The following DOCK11 variants were observed in gnomAD, a reference collection of about 807,000 sequenced individuals.
DOCK11 encodes the protein dedicator of cytokinesis 11.
Under a neutral mutation model 169.1 loss-of-function variants are expected in DOCK11, and 70 were observed. The observed-to-expected ratio is 0.41, with a 90% CI of 0.34 to 0.51. The LOEUF (loss-of-function observed/expected upper bound fraction) is 0.51, where lower values mean the gene tolerates loss of function less well. DOCK11 is among the 20% of genes least tolerant of loss of function. The pLI is 0.10. For synonymous variants in DOCK11, 529 were observed against 541.3 expected, an observed-to-expected ratio of 0.98 and a Z score of 0.32; for missense variants, 1,166 against 1,538.8, an observed-to-expected ratio of 0.76 and a Z score of 4.05.
intron 28 of DOCK11, among the ~76,000 whole-genome samples, chrX:118,611,072 TTAG>T (rs1186010087): frequency 9.0e-6 from 1 of 111,522 alleles, no homozygotes; most frequent in Non-Finnish European, 1.9e-5. Flanking sequence ...AGAAGCTACC[TTAG>T]TAGTCAAATT....
intron 10 of DOCK11, among the ~76,000 whole-genome samples, chrX:118,571,555 G>A (rs971413538): frequency 1.8e-5 from 2 of 110,252 alleles, no homozygotes; most frequent in African/African-American, 6.6e-5. Flanking sequence ...TCACTGTCTT[G>A]CCTAGGCTGG....
chrX:118,547,807 C>T (rs991730402), intron 6 of DOCK11, among the ~76,000 whole-genome samples: 1 of 112,265 alleles, frequency 8.9e-6, no homozygotes, highest in Admixed American at 9.4e-5. Flanking sequence ...CAGAAATGTA[C>T]GTGAAGGTTA....
intron 6 of DOCK11, among the ~76,000 whole-genome samples, chrX:118,556,556 C>G (rs2012700614): frequency 9.5e-6 from 1 of 105,528 alleles, no homozygotes; most frequent in African/African-American, 3.5e-5. Flanking sequence ...CAAGACCAGC[C>G]TGGCCAACAT....
chrX:118,583,825 T>A (rs752774228), intron 14 of DOCK11, among the ~76,000 whole-genome samples: 16 of 112,034 alleles, frequency 1.4e-4, no homozygotes, highest in Admixed American at 2.8e-4. Flanking sequence ...AGATTACTTA[T>A]AATACCTAAT....
chrX:118,676,970 G>A (rs1318342540), intron 48 of DOCK11, among the ~76,000 whole-genome samples: 2 of 111,289 alleles, frequency 1.8e-5, no homozygotes, highest in Non-Finnish European at 3.8e-5. Context: ...GTGCTTCATC[G>A]TTCTTAGTAA....
Position 118,685,889 on chromosome X carries a change from T to C in DOCK11, c.*82T>C, listed in dbSNP as rs2016848040. On this transcript the variant is annotated 3_prime_UTR_variant, in exon 53 of 53. Transcript: ENST00000276202. ...GTGCAAATGTTAAAATTTAAAGATT[T>C]GATATACATGGAGTGTTTCTTCTCG... 1 of 1,119,217 alleles carries C rather than the reference T, an allele frequency of 8.9e-7. No individual in the cohort carries two copies. The highest frequency in any genetic ancestry group is 1.2e-6 in the Non-Finnish European group (1 of 837,150). 92.2% of individuals were successfully genotyped at this position (1,119,217 alleles called of 1,213,427 possible).
intron 1 of DOCK11, among the ~76,000 whole-genome samples, chrX:118,523,405 A>C (rs2011304572): frequency 8.9e-6 from 1 of 112,449 alleles, no homozygotes; most frequent in Non-Finnish European, 1.9e-5. Context: ...CAGGCAGTTC[A>C]TGGGGTTTTA....
intron 18 of DOCK11, among the ~76,000 whole-genome samples, chrX:118,589,584 A>T (rs2013922186): frequency 8.9e-6 from 1 of 111,932 alleles, no homozygotes; most frequent in Admixed American, 9.5e-5. Flanking sequence ...ACTAGAAATG[A>T]AATTGGATCT....
chrX:118,643,801 A>T (rs1357172372), intron 40 of DOCK11, among the ~76,000 whole-genome samples: 1 of 111,674 alleles, frequency 9.0e-6, no homozygotes, highest in Non-Finnish European at 1.9e-5. Flanking sequence ...TTTTTATTTC[A>T]CCCCATCATA....
chrX:118,549,293 C>T (rs934827497), intron 6 of DOCK11, among the ~76,000 whole-genome samples: 8 of 108,902 alleles, frequency 7.3e-5, no homozygotes, highest in East Asian at 2.9e-4. Flanking sequence ...TACAGGTGCA[C>T]GCCACCATGC....
chrX:118,667,490 C>T (rs1271618112), intron 45 of DOCK11, among the ~76,000 whole-genome samples: 1 of 107,127 alleles, frequency 9.3e-6, no homozygotes, highest in African/African-American at 3.4e-5. Context: ...GTTGAATTTA[C>T]TTTGGCACCT....
chrX:118,647,235 A>G (rs2015700735), intron 40 of DOCK11, among the ~76,000 whole-genome samples: 1 of 104,443 alleles, frequency 9.6e-6, no homozygotes. Flanking sequence ...CTTGCTGAGT[A>G]GATTTTAGCT....
intron 38 of DOCK11, 115 bp downstream of exon 38, chrX:118,639,692 A>T: frequency 2.6e-6 from 2 of 773,105 alleles, no homozygotes; most frequent in Non-Finnish European, 3.6e-6. Flanking sequence ...CATTATATGC[A>T]TGTAACAAAA....
chrX:118,619,826 T>C (rs1021269989), intron 31 of DOCK11, among the ~76,000 whole-genome samples: 2 of 108,062 alleles, frequency 1.9e-5, no homozygotes, highest in African/African-American at 6.7e-5. Context: ...TTCTTTCTTT[T>C]TTTTTTTTTG....
At chrX:118,564,604 A>C (rs925068221) in intron 7 of DOCK11, among the ~76,000 whole-genome samples, 2 of 111,865 alleles carry the variant, frequency 1.8e-5, no homozygotes, top group Admixed American at 9.5e-5. Context: ...CTATGGTTGC[A>C]TGGTCTTATT....
chrX:118,671,166 T>C, intron 46 of DOCK11, 21 bp downstream of exon 46: 1 of 1,190,754 alleles, frequency 8.4e-7, no homozygotes, highest in Non-Finnish European at 1.1e-6. Flanking sequence ...TGAACATTTT[T>C]ATCATTGACT....
intron 1 of DOCK11, among the ~76,000 whole-genome samples, chrX:118,535,329 T>C (rs193239839): frequency 4.8e-4 from 54 of 111,998 alleles, no homozygotes; most frequent in Admixed American, 1.1e-3. Flanking sequence ...TTTCCTCATC[T>C]GTAAAATGGG....
At chrX:118,660,749 C>T (rs1310879772) in intron 44 of DOCK11, among the ~76,000 whole-genome samples, 2 of 110,316 alleles carry the variant, frequency 1.8e-5, no homozygotes, top group Non-Finnish European at 3.8e-5. Flanking sequence ...GGATTACAGG[C>T]GTGAGCCACC....
rs59721327 is a variant in DOCK11, at chrX:118,546,210, C to CCA, written c.558+94_558+95insCA. On this transcript the variant is annotated intron_variant, in intron 6 of 52. Coordinates refer to ENST00000276202, the MANE Select transcript of DOCK11 (RefSeq NM_144658.4). ...ATATTTATTTTACAAAGAGCCCTAG[C>CCA]AAAAAAAAAAAAAAAAAAAAAGGAG... 5.7e-4 allele frequency: 28 copies of CCA among 49,294 alleles called. 4 individuals are homozygous for CCA. Among genetic ancestry groups the CCA allele is most frequent in the East Asian group, 1.5e-3 (3 of 2,064 alleles). The allele number at this position is 49,294 out of a possible 1,213,427, so 4.1% of individuals were successfully genotyped here. A position where few individuals can be genotyped will look rare whatever the true frequency, so the allele number is the denominator to read the frequency against.
Sources: gnomAD v4.1 joint callset for allele counts (sites outside exome capture counted in the v4.1 genomes callset) on GRCh38, gnomAD v4.1.1 for gene constraint, MANE v1.5 for transcripts, NCBI Gene and HGNC (gene_info 2026-07-23, HGNC 2026-07-21) for gene names.